TM7SF3: variants seen among roughly 807,000 people sequenced by gnomAD.
TM7SF3 encodes seven span transmembrane protein.
TM7SF3 carries 60 observed loss-of-function variants against 65.5 expected under a neutral mutation model. The ratio of observed to expected loss-of-function variants is 0.92; its 90% CI spans 0.74 to 1.14. The LOEUF (loss-of-function observed/expected upper bound fraction) is 1.14, where lower values mean the gene tolerates loss of function less well. Ranked by LOEUF, TM7SF3 falls within the 50% of genes most tolerant of loss-of-function variation. The pLI, the probability that TM7SF3 is intolerant of heterozygous loss-of-function variation, is 0.00. For synonymous variants in TM7SF3, 264 were observed against 259.6 expected (o/e 1.02, Z -0.16); for missense variants, 623 against 684.8 (o/e 0.91, Z 1.01).
At chr12:27,008,938 C>A (rs1317597821) in intron 1 of TM7SF3, among the ~76,000 whole-genome samples, 1 of 152,154 alleles carries the variant, frequency 6.6e-6, no homozygotes, top group African/African-American at 2.4e-5. Context: ...GATGGATACA[C>A]TAAAAGCCCT....
At chr12:26,979,744 G>A (rs1489563905) in intron 9 of TM7SF3, 40 bp downstream of exon 9, 2 of 1,603,648 alleles carry the variant, frequency 1.2e-6, no homozygotes, top group Non-Finnish European at 1.7e-6. Flanking sequence ...TATTCAAACA[G>A]TCACTCGAAC....
intron 6 of TM7SF3, among the ~76,000 whole-genome samples, chr12:26,990,146 T>A (rs1206789776): frequency 2.0e-5 from 3 of 152,190 alleles, no homozygotes; most frequent in African/African-American, 7.2e-5. Context: ...CTATCTCAAA[T>A]TTTCCTCTTA....
chr12:26,987,854 A>G (rs1458371930), intron 6 of TM7SF3, among the ~76,000 whole-genome samples: 1 of 152,214 alleles, frequency 6.6e-6, no homozygotes, highest in Non-Finnish European at 1.5e-5. Context: ...CCAAGTCATC[A>G]AGGATGTCAC....
chr12:26,976,731 C>T (rs1173354492), intron 9 of TM7SF3, among the ~76,000 whole-genome samples: 1 of 152,210 alleles, frequency 6.6e-6, no homozygotes, highest in Non-Finnish European at 1.5e-5. Context: ...GTTAGCTCTA[C>T]ATTGCTGACT....
intron 6 of TM7SF3, among the ~76,000 whole-genome samples, chr12:26,984,449 C>CAAAAAAA (rs61259350): frequency 7.1e-6 from 1 of 141,612 alleles, no homozygotes. Flanking sequence ...AAACGAAAAA[C>CAAAAAAA]AAAAAAAAAA....
chr12:26,993,395 C>G (rs949682026), intron 5 of TM7SF3, among the ~76,000 whole-genome samples: 1 of 152,154 alleles, frequency 6.6e-6, no homozygotes, highest in African/African-American at 2.4e-5. Flanking sequence ...CTAACTTATT[C>G]TTTTATCCCC....
intron 5 of TM7SF3, among the ~76,000 whole-genome samples, chr12:26,992,306 C>G (rs1033806147): frequency 2.0e-5 from 3 of 151,968 alleles, no homozygotes; most frequent in Non-Finnish European, 4.4e-5. Context: ...GACGGAATGT[C>G]GCTCTGTTGC....
intron 1 of TM7SF3, among the ~76,000 whole-genome samples, chr12:27,011,611 A>C (rs188783224): frequency 6.6e-6 from 1 of 152,360 alleles, no homozygotes; most frequent in Admixed American, 6.5e-5. Flanking sequence ...TATCAGAATT[A>C]TCATCATCAA....
intron 1 of TM7SF3, among the ~76,000 whole-genome samples, chr12:27,013,573 T>TA (rs1370323015): frequency 6.6e-6 from 1 of 152,228 alleles, no homozygotes; most frequent in African/African-American, 2.4e-5. Flanking sequence ...AAAGGCTCTT[T>TA]AAAAATAAAG....
In TM7SF3 at chr12:27,014,178, G is replaced by A. The variant is rs370953820; in HGVS notation, c.-10C>T. ...GCTGCAGGAACCCCATTGCTGCCTG[G>A]GCCGGGCTGGGCCCACGCCAGGGCT... is the stretch of plus-strand genomic sequence containing the variant. On this transcript the variant is annotated 5_prime_UTR_variant, in exon 1 of 12. Transcript: ENST00000343028. The A allele has an allele frequency of 1.3e-6, 2 of 1,552,906 alleles. No homozygotes were observed. Among genetic ancestry groups the A allele is most frequent in the Non-Finnish European group, 1.7e-6 (2 of 1,147,948 alleles).
rs1939451899 is a variant in TM7SF3, at chr12:26,973,767, T to C, written c.*198A>G. ...GAAAAAGCCTCCCTACCACCAACCTTTTGGTCATCTTTCTCATTCTCTTAC... is the reference window on the plus strand; with the variant it reads ...GAAAAAGCCTCCCTACCACCAACCTCTTGGTCATCTTTCTCATTCTCTTAC... On this transcript the variant is annotated 3_prime_UTR_variant, in exon 12 of 12. Transcript: ENST00000343028. 1.7e-6 allele frequency: 1 copy of C among 580,850 alleles called. No homozygotes were observed. Among genetic ancestry groups the C allele is most frequent in the Non-Finnish European group, 2.7e-6 (1 of 370,050 alleles). 36.0% of individuals were successfully genotyped at this position (580,850 alleles called of 1,614,324 possible).
intron 6 of TM7SF3, among the ~76,000 whole-genome samples, chr12:26,988,672 T>TTGTGTGTGTGTGTGTG (rs147021582): frequency 4.1e-4 from 60 of 146,322 alleles, no homozygotes; most frequent in Middle Eastern, 3.5e-3. Context: ...GAGAAGAAAA[T>TTGTGTGTGTGTGTGTG]TGTGTGTGTG....
rs146202781 is a variant in TM7SF3, at chr12:26,990,547, A to G, written c.771T>C (p.Ile257=). 2 of 1,614,078 alleles carry G rather than the reference A, an allele frequency of 1.2e-6. No individual in the cohort carries two copies. Among genetic ancestry groups the G allele is most frequent in the Non-Finnish European group, 1.7e-6 (2 of 1,179,910 alleles). ...ATGTATTTAGAAACGGGTCCCAAAC[A>G]ATGACATTGTATATGACACCTTGTC... is the stretch of plus-strand genomic sequence containing the variant. ...LPGQGVIYNV[I]VWDPFLNTSA... is the part of the protein sequence containing the mutation. Residue 257 remains isoleucine, a synonymous_variant, in exon 6 of 12, where the codon ATT becomes ATC. Transcript: ENST00000343028.
chr12:27,008,636 GTTTGT>G (rs1031648981), intron 1 of TM7SF3, among the ~76,000 whole-genome samples: 20 of 152,210 alleles, frequency 1.3e-4, no homozygotes, highest in African/African-American at 4.1e-4. Flanking sequence ...ACTTCCAGAA[GTTTGT>G]TTTATCTTTC....
chr12:26,981,839 A>C (rs1939829168), intron 7 of TM7SF3, among the ~76,000 whole-genome samples: 1 of 152,176 alleles, frequency 6.6e-6, no homozygotes, highest in Non-Finnish European at 1.5e-5. Context: ...CAATTCAGTG[A>C]GCATGATTTA....
At chr12:27,000,536 TAC>T (rs1482447708) in intron 2 of TM7SF3, among the ~76,000 whole-genome samples, 1 of 152,250 alleles carries the variant, frequency 6.6e-6, no homozygotes, top group South Asian at 2.1e-4. Context: ...CTCAGCTTAC[TAC>T]AAGCTCCGCC....
chr12:26,980,225 T>A (rs1039941889), intron 8 of TM7SF3: 12 of 556,248 alleles, frequency 2.2e-5, no homozygotes, highest in Admixed American at 2.0e-4. Flanking sequence ...CTGTTAAACA[T>A]AATGGGGTAG....
intron 6 of TM7SF3, among the ~76,000 whole-genome samples, chr12:26,984,684 A>G (rs1939966723): frequency 2.0e-5 from 3 of 152,174 alleles, no homozygotes; most frequent in Non-Finnish European, 4.4e-5. Context: ...CTTCCATAAC[A>G]TTAGAGGGGA....
chr12:27,011,069 T>C (rs1941226913), intron 1 of TM7SF3, among the ~76,000 whole-genome samples: 1 of 152,226 alleles, frequency 6.6e-6, no homozygotes, highest in Admixed American at 6.5e-5. Flanking sequence ...GTTCAGCTAC[T>C]TGAGTTGGTC....
Sources: allele counts gnomAD v4.1 joint callset (sites outside exome capture counted in the v4.1 genomes callset), GRCh38; gene constraint gnomAD v4.1.1; transcripts MANE v1.5; gene names NCBI Gene and HGNC (gene_info 2026-07-23, HGNC 2026-07-21).